The following ALCAM variants were observed in gnomAD, a reference collection of about 807,000 sequenced individuals.
ALCAM encodes CD166 antigen.
ALCAM carries 30 observed loss-of-function variants against 70.9 expected under a neutral mutation model. That is an observed-to-expected ratio of 0.42 (90% CI 0.32 to 0.57). ALCAM has a LOEUF of 0.57. ALCAM is among the 20% of genes least tolerant of loss of function. ALCAM has a pLI of 0.11. For synonymous variants in ALCAM, 249 were observed against 242.5 expected (o/e 1.03, Z -0.25); for missense variants, 591 against 695.1 (o/e 0.85, Z 1.68).
At chr3:105,521,624 A>G (rs544615246) in intron 2 of ALCAM, among the ~76,000 whole-genome samples, 1 of 152,216 alleles carries the variant, frequency 6.6e-6, no homozygotes, top group Non-Finnish European at 1.5e-5. Context: ...TTCATCCATA[A>G]AATGAGATAA....
chr3:105,466,421 GATTT>G (rs1481958185), intron 1 of ALCAM, among the ~76,000 whole-genome samples: 1 of 151,480 alleles, frequency 6.6e-6, no homozygotes, highest in East Asian at 1.9e-4. Context: ...AACGATTACT[GATTT>G]ATTAAAGCTG....
At chr3:105,372,657 G>T (rs60036024) in intron 1 of ALCAM, among the ~76,000 whole-genome samples, 1,874 of 152,140 alleles carry the variant, frequency 0.012, 25 homozygotes, top group African/African-American at 0.026. Context: ...ATACTTGTCT[G>T]GTCTAAGAAT....
intron 1 of ALCAM, among the ~76,000 whole-genome samples, chr3:105,512,793 A>C (rs1939273346): frequency 6.6e-6 from 1 of 151,894 alleles, no homozygotes; most frequent in Non-Finnish European, 1.5e-5. Flanking sequence ...TAATTATCTG[A>C]GTGAAGGACT....
rs556008658 is a variant in ALCAM, at chr3:105,419,956, C to T, written c.73+52475C>T. Among the ~76,000 whole-genome samples, 6 of 151,752 alleles carry T rather than the reference C, an allele frequency of 4.0e-5. No individual in the cohort carries two copies. In the East Asian group the frequency reaches 5.8e-4, roughly 15 times the overall value. On this transcript the variant is annotated intron_variant, in intron 1 of 15. Coordinates refer to ENST00000306107, the MANE Select transcript of ALCAM (RefSeq NM_001627.4). ...TGTGTGCCTGGCACAGCTAGCTTCA[C>T]GGTTCTATCTGGATATATAGATGGA...
At chr3:105,406,134 G>A (rs989773119) in intron 1 of ALCAM, among the ~76,000 whole-genome samples, 17 of 152,168 alleles carry the variant, frequency 1.1e-4, no homozygotes. Context: ...TCTGAGTCCT[G>A]AAGACCTTGC....
intron 1 of ALCAM, among the ~76,000 whole-genome samples, chr3:105,454,420 G>A (rs1460149103): frequency 6.6e-6 from 1 of 152,070 alleles, no homozygotes; most frequent in Non-Finnish European, 1.5e-5. Flanking sequence ...TACTGAATAT[G>A]TAATCAGAAT....
At chr3:105,527,335 G>T (rs968618619) in intron 3 of ALCAM, among the ~76,000 whole-genome samples, 3 of 152,096 alleles carry the variant, frequency 2.0e-5, no homozygotes, top group Non-Finnish European at 4.4e-5. Flanking sequence ...CACTGAGCGG[G>T]TCACCAGGAG....
chr3:105,460,205 A>C (rs1050286020), intron 1 of ALCAM, among the ~76,000 whole-genome samples: 2 of 152,002 alleles, frequency 1.3e-5, no homozygotes, highest in African/African-American at 4.8e-5. Context: ...GTCGTTATGA[A>C]ATCCACTCTT....
At chr3:105,523,275 A>G (rs1576219730) in intron 2 of ALCAM, among the ~76,000 whole-genome samples, 1 of 152,164 alleles carries the variant, frequency 6.6e-6, no homozygotes, top group South Asian at 2.1e-4. Flanking sequence ...CATACTTTGC[A>G]TAATGAAGGA....
chr3:105,571,603 A>G (rs1396888154), intron 14 of ALCAM, among the ~76,000 whole-genome samples: 1 of 152,190 alleles, frequency 6.6e-6, no homozygotes, highest in East Asian at 1.9e-4. Context: ...AAAGTGTTGT[A>G]TAGTCTGTTT....
chr3:105,466,559 A>G (rs953132359), intron 1 of ALCAM, among the ~76,000 whole-genome samples: 2 of 151,368 alleles, frequency 1.3e-5, no homozygotes, highest in African/African-American at 4.8e-5. Context: ...TATCAAAATC[A>G]TTCTTTTTCA....
intron 1 of ALCAM, among the ~76,000 whole-genome samples, chr3:105,457,292 G>T (rs1937546127): frequency 2.6e-5 from 4 of 152,010 alleles, no homozygotes; most frequent in African/African-American, 9.7e-5. Flanking sequence ...TCTTTATCCA[G>T]TCTGTCATTG....
chr3:105,530,828 C>G (rs536385421), intron 3 of ALCAM, among the ~76,000 whole-genome samples: 1 of 152,052 alleles, frequency 6.6e-6, no homozygotes, highest in South Asian at 2.1e-4. Flanking sequence ...CTCATATAAT[C>G]TAAAGATATC....
In ALCAM at chr3:105,552,604, A is replaced by T. The variant is rs1267660301; in HGVS notation, c.1664+19A>T. 3.7e-6 allele frequency: 6 copies of T among 1,610,580 alleles called. No individual in the cohort carries two copies. The South Asian group carries it at 5.5e-5, about 15-fold the overall frequency. ...AGTCAAAGTGAGTTGTGGAAAAAAG[A>T]TCTTCATCGTTCATTGACTTTCACT... On this transcript the variant is annotated intron_variant, in intron 14 of 15. Transcript: ENST00000306107.
chr3:105,371,517 C>T (rs373491457), intron 1 of ALCAM, among the ~76,000 whole-genome samples: 5 of 142,616 alleles, frequency 3.5e-5, no homozygotes, highest in African/African-American at 5.2e-5. Context: ...AAAGATGTTT[C>T]TTTTTTTTTT....
At position 105,523,189 on chromosome 3, in the gene ALCAM, C is replaced by A. The variant is rs965707296; in HGVS notation, c.175-1100C>A. 2.7e-5 allele frequency among the ~76,000 whole-genome samples: 4 copies of A among 147,780 alleles called. No homozygotes were observed. In the East Asian group the frequency reaches 5.9e-4, roughly 22 times the overall value. On this transcript the variant is annotated intron_variant, in intron 2 of 15. Transcript: ENST00000306107. Reference sequence around the variant, plus strand: ...AAAGAAAGCCCAAAGAAAACACCTGCCATAAAGTTAAGTGCTCAAAAATTA... The same window carrying A: ...AAAGAAAGCCCAAAGAAAACACCTGACATAAAGTTAAGTGCTCAAAAATTA...
chr3:105,454,000 A>G (rs184221077), intron 1 of ALCAM, among the ~76,000 whole-genome samples: 302 of 152,224 alleles, frequency 2.0e-3, no homozygotes, highest in African/African-American at 6.7e-3. Flanking sequence ...ATTTTATTCA[A>G]TTTTGTGTTC....
At chr3:105,429,521 G>T (rs1191727842) in intron 1 of ALCAM, among the ~76,000 whole-genome samples, 3 of 151,880 alleles carry the variant, frequency 2.0e-5, no homozygotes. Context: ...GCTGAATAAA[G>T]GTTATAATTG....
chr3:105,554,772 T>C (rs1299514103), intron 14 of ALCAM, among the ~76,000 whole-genome samples: 2 of 67,590 alleles, frequency 3.0e-5, no homozygotes, highest in Non-Finnish European at 4.1e-5. Context: ...ACAGGTTTCC[T>C]GATATCAAAT....
Sources: gnomAD v4.1 joint callset for allele counts (sites outside exome capture counted in the v4.1 genomes callset) on GRCh38, gnomAD v4.1.1 for gene constraint, MANE v1.5 for transcripts, NCBI Gene and HGNC (gene_info 2026-07-23, HGNC 2026-07-21) for gene names.